Variants in MICU2 observed in about 807,000 individuals in gnomAD.
The protein encoded by MICU2 is mitochondrial calcium uptake 2.
A neutral mutation model predicts 60.4 loss-of-function variants in MICU2; 64 were observed. The observed-to-expected ratio is 1.06, with a 90% CI of 0.87 to 1.31. The LOEUF (loss-of-function observed/expected upper bound fraction) is 1.31. MICU2 is among the 50% of genes most tolerant of loss of function. The pLI is 0.00. For synonymous variants in MICU2, 201 were observed against 175.0 expected (o/e 1.15, Z -1.17); for missense variants, 569 against 531.0 (o/e 1.07, Z -0.70).
At chr13:21,496,325 C>A (rs1885996491) in intron 9 of MICU2, 165 bp from the exon 10 acceptor site, 2 of 574,260 alleles carry the variant, frequency 3.5e-6, no homozygotes, top group East Asian at 6.2e-5. Context: ...ACAGAAATGG[C>A]CACACAAAGG....
intron 2 of MICU2, among the ~76,000 whole-genome samples, chr13:21,550,748 G>C (rs910693625): frequency 6.6e-6 from 1 of 151,754 alleles, no homozygotes; most frequent in Admixed American, 6.6e-5. Context: ...CTATGTGCCA[G>C]GTACTCTGCT....
At chr13:21,576,347 A>T (rs1340484395) in intron 1 of MICU2, among the ~76,000 whole-genome samples, 3 of 152,124 alleles carry the variant, frequency 2.0e-5, no homozygotes, top group Non-Finnish European at 4.4e-5. Flanking sequence ...AATTTCAGGA[A>T]TCTTATGTAC....
chr13:21,567,614 C>A (rs934660863), intron 1 of MICU2, among the ~76,000 whole-genome samples: 1 of 152,052 alleles, frequency 6.6e-6, no homozygotes, highest in Non-Finnish European at 1.5e-5. Flanking sequence ...TAAAATATTG[C>A]AGAATATATA....
intron 1 of MICU2, chr13:21,582,818 C>A (rs564051553): frequency 4.8e-4 from 74 of 154,092 alleles, no homozygotes; most frequent in Non-Finnish European, 9.1e-4. Flanking sequence ...GCAGCAGGGG[C>A]CACGTGCATC....
chr13:21,573,570 C>G (rs1181420454), intron 1 of MICU2, among the ~76,000 whole-genome samples: 1 of 152,172 alleles, frequency 6.6e-6, no homozygotes, highest in East Asian at 1.9e-4. Context: ...CTGCGCCCAG[C>G]TTGCTGCCAT....
chr13:21,548,464 A>C (rs564898221), intron 2 of MICU2, among the ~76,000 whole-genome samples: 226 of 152,322 alleles, frequency 1.5e-3, no homozygotes, highest in Non-Finnish European at 2.2e-3. Context: ...AATCTTTTAA[A>C]ATTTTAGACC....
At chr13:21,590,840 C>T (rs569682566) in intron 1 of MICU2, among the ~76,000 whole-genome samples, 4 of 152,176 alleles carry the variant, frequency 2.6e-5, no homozygotes, top group Admixed American at 1.3e-4. Flanking sequence ...GGCGACAAAG[C>T]GAGACTCTGT....
At chr13:21,528,187 T>G (rs1316097926) in intron 4 of MICU2, among the ~76,000 whole-genome samples, 1 of 152,218 alleles carries the variant, frequency 6.6e-6, no homozygotes, top group Non-Finnish European at 1.5e-5. Flanking sequence ...ATTTTAGGAA[T>G]GTACTACCTT....
At chr13:21,544,346 A>G (rs1229716904) in intron 2 of MICU2, among the ~76,000 whole-genome samples, 1 of 152,110 alleles carries the variant, frequency 6.6e-6, no homozygotes, top group Admixed American at 6.5e-5. Context: ...AATTAGTGAG[A>G]TGATGTAAAA....
intron 1 of MICU2, among the ~76,000 whole-genome samples, chr13:21,592,692 G>A (rs1272317169): frequency 6.6e-6 from 1 of 152,200 alleles, no homozygotes; most frequent in African/African-American, 2.4e-5. Context: ...TCATCCCTGG[G>A]ATGCAAGGGT....
chr13:21,554,000 C>A (rs1248651180), intron 2 of MICU2, among the ~76,000 whole-genome samples: 9 of 152,136 alleles, frequency 5.9e-5, no homozygotes. Flanking sequence ...AATATATATG[C>A]ACCCAATACA....
rs555991990 is a variant in MICU2 at position 21,548,858 on chromosome 13, G to C, written c.359-9170C>G. ...AGGGTTATACAAGGATTCTATCGCC[G>C]TATCTCAGACCTTCTGAATAAAAAC... is the stretch of plus-strand genomic sequence containing the variant. On this transcript the variant is annotated intron_variant, in intron 2 of 11. Coordinates refer to ENST00000382374, the MANE Select transcript of MICU2 (RefSeq NM_152726.3). Among the ~76,000 whole-genome samples, 8 of 151,110 alleles carry C rather than the reference G, an allele frequency of 5.3e-5. No individual in the cohort carries two copies. The South Asian group carries it at 1.3e-3, about 24-fold the overall frequency.
At chr13:21,549,129 CCG>C (rs1379703373) in intron 2 of MICU2, among the ~76,000 whole-genome samples, 1 of 151,694 alleles carries the variant, frequency 6.6e-6, no homozygotes, top group Non-Finnish European at 1.5e-5. Context: ...CGGGGTTTCA[CCG>C]TGTTAGCCAG....
chr13:21,572,750 C>T (rs1483965288), intron 1 of MICU2, among the ~76,000 whole-genome samples: 2 of 152,000 alleles, frequency 1.3e-5, no homozygotes, highest in East Asian at 1.9e-4. Context: ...GTTTGGGGGT[C>T]CTGGGATTTT....
intron 4 of MICU2, among the ~76,000 whole-genome samples, chr13:21,535,893 G>C (rs1887118435): frequency 6.6e-6 from 1 of 152,048 alleles, no homozygotes; most frequent in African/African-American, 2.4e-5. Context: ...TATTTTAAAA[G>C]GTGATGAAAG....
At chr13:21,547,825 A>G (rs948178684) in intron 2 of MICU2, among the ~76,000 whole-genome samples, 3 of 151,962 alleles carry the variant, frequency 2.0e-5, no homozygotes, top group Admixed American at 6.6e-5. Context: ...CAGTGCATAT[A>G]GAGTTGTTTA....
chr13:21,498,669 G>A (rs1174760422), intron 9 of MICU2, among the ~76,000 whole-genome samples: 3 of 151,924 alleles, frequency 2.0e-5, no homozygotes, highest in South Asian at 2.1e-4. Flanking sequence ...GTGAGCCACC[G>A]CGCCTGGCTA....
chr13:21,563,550 T>C lies in MICU2; in HGVS notation c.358+3247A>G, dbSNP rs75955145. On this transcript the variant is annotated intron_variant, in intron 2 of 11. Transcript: ENST00000382374. ...TGTTTTTGTGAACTTCTTGAATCTA[T>C]GGCTTGACATTTGTTAATAATTTTG... Among the ~76,000 whole-genome samples, 396 of 152,294 alleles carry C rather than the reference T, an allele frequency of 2.6e-3. 1 individual carries two copies. Among genetic ancestry groups the C allele is most frequent in the African/African-American group, 9.2e-3 (382 of 41,560 alleles).
chr13:21,571,048 C>A (rs1380563325), intron 1 of MICU2, among the ~76,000 whole-genome samples: 1 of 152,130 alleles, frequency 6.6e-6, no homozygotes, highest in Non-Finnish European at 1.5e-5. Flanking sequence ...GTAACGTGTG[C>A]GTGCTCTCTC....
Sources: gnomAD v4.1 joint callset for allele counts (sites outside exome capture counted in the v4.1 genomes callset) on GRCh38, gnomAD v4.1.1 for gene constraint, MANE v1.5 for transcripts, NCBI Gene and HGNC (gene_info 2026-07-23, HGNC 2026-07-21) for gene names.